HIVEP3: variants seen among roughly 807,000 people sequenced by gnomAD.
HIVEP3 encodes the protein transcription factor HIVEP3.
A neutral mutation model predicts 152.8 loss-of-function variants in HIVEP3; 49 were observed. That is an observed-to-expected ratio of 0.32 (90% confidence interval 0.26 to 0.41). The LOEUF (loss-of-function observed/expected upper bound fraction) is 0.41, where lower values mean the gene tolerates loss of function less well. HIVEP3 is among the 10% of genes least tolerant of loss of function. The pLI, the probability that HIVEP3 is intolerant of heterozygous loss-of-function variation, is 1.00. For synonymous variants in HIVEP3, 1,269 were observed against 1,289.0 expected, an observed-to-expected ratio of 0.98 and a Z score of 0.33; for missense variants, 2,790 against 3,103.3, an observed-to-expected ratio of 0.90 and a Z score of 2.40.
chr1:41,819,514 C>T (rs1642523612), intron 1 of HIVEP3, among the ~76,000 whole-genome samples: 1 of 152,106 alleles, frequency 6.6e-6, no homozygotes, highest in Admixed American at 6.5e-5. Flanking sequence ...TAAATATTTA[C>T]AGCTATACAT....
At chr1:41,968,405 T>C (rs1645211290) in intron 1 of HIVEP3, among the ~76,000 whole-genome samples, 2 of 152,206 alleles carry the variant, frequency 1.3e-5, no homozygotes, top group Non-Finnish European at 2.9e-5. Context: ...TGGTTCAACT[T>C]GTGCAAATCA....
chr1:41,936,277 G>A (rs1052907923), intron 1 of HIVEP3, among the ~76,000 whole-genome samples: 23 of 152,140 alleles, frequency 1.5e-4, no homozygotes, highest in Admixed American at 1.2e-3. Context: ...ACTCATGTGC[G>A]AGTCAAGATG....
intron 2 of HIVEP3, among the ~76,000 whole-genome samples, chr1:41,666,249 T>C (rs1281459404): frequency 8.5e-5 from 13 of 152,192 alleles, no homozygotes; most frequent in Admixed American, 8.5e-4. Flanking sequence ...TTGCATTTTA[T>C]GGATATCACC....
intron 1 of HIVEP3, among the ~76,000 whole-genome samples, chr1:41,844,292 C>T (rs1024682830): frequency 1.3e-5 from 2 of 152,208 alleles, no homozygotes; most frequent in African/African-American, 4.8e-5. Flanking sequence ...ACGCAATGAA[C>T]AGTGCTGCTG....
At chr1:41,772,980 T>C (rs1648474347) in intron 1 of HIVEP3, among the ~76,000 whole-genome samples, 1 of 152,126 alleles carries the variant, frequency 6.6e-6, no homozygotes, top group Non-Finnish European at 1.5e-5. Context: ...CTGAACACTG[T>C]ATGTGCACTG....
intron 1 of HIVEP3, among the ~76,000 whole-genome samples, chr1:41,841,991 G>A (rs955184231): frequency 6.6e-6 from 1 of 152,062 alleles, no homozygotes; most frequent in Non-Finnish European, 1.5e-5. Flanking sequence ...TACTCAGGAG[G>A]CTGAGGCAGG....
At chr1:41,910,458 C>CT (rs1307703529) in intron 1 of HIVEP3, among the ~76,000 whole-genome samples, 2 of 151,860 alleles carry the variant, frequency 1.3e-5, no homozygotes, top group Admixed American at 6.6e-5. Flanking sequence ...CTCACAGAAT[C>CT]TTTTTTTGAG....
At chr1:41,882,941 G>A (rs1644286654) in intron 1 of HIVEP3, among the ~76,000 whole-genome samples, 5 of 152,238 alleles carry the variant, frequency 3.3e-5, no homozygotes, top group East Asian at 1.9e-4. Context: ...ATGAGACAGG[G>A]CTGAACTGGC....
At chr1:41,759,557 T>A (rs1430362655) in intron 1 of HIVEP3, among the ~76,000 whole-genome samples, 3 of 152,198 alleles carry the variant, frequency 2.0e-5, no homozygotes, top group African/African-American at 7.2e-5. Flanking sequence ...GGTATAGACC[T>A]AGGAGTGGAA....
At chr1:41,845,419 GCACACACACACACACA>G (rs3032007) in intron 1 of HIVEP3, among the ~76,000 whole-genome samples, 1 of 136,074 alleles carries the variant, frequency 7.3e-6, no homozygotes, top group Non-Finnish European at 1.6e-5. Flanking sequence ...ACACACACAC[GCACACACACACACACA>G]CACACACACA....
intron 3 of HIVEP3, among the ~76,000 whole-genome samples, chr1:41,585,776 T>C (rs1005817926): frequency 1.3e-5 from 2 of 152,040 alleles, no homozygotes; most frequent in Non-Finnish European, 1.5e-5. Flanking sequence ...CCCAATGACA[T>C]TGGAGATGCA....
intron 1 of HIVEP3, among the ~76,000 whole-genome samples, chr1:41,709,081 C>A (rs1285925368): frequency 6.6e-6 from 1 of 152,204 alleles, no homozygotes; most frequent in Non-Finnish European, 1.5e-5. Flanking sequence ...CCCCTACCAC[C>A]ACATGGCATA....
At chr1:41,776,059 T>C (rs545482076) in intron 1 of HIVEP3, among the ~76,000 whole-genome samples, 1 of 152,322 alleles carries the variant, frequency 6.6e-6, no homozygotes, top group Admixed American at 6.5e-5. Context: ...GATTTGGGTT[T>C]CCTGCAGCTG....
chr1:41,985,449 T>C (rs1468344270), intron 1 of HIVEP3, among the ~76,000 whole-genome samples: 1 of 152,222 alleles, frequency 6.6e-6, no homozygotes, highest in Non-Finnish European at 1.5e-5. Context: ...GCATACCTCC[T>C]GGTTTGCAGA....
At position 41,959,559 on chromosome 1, in the gene HIVEP3, T is replaced by C. The variant is rs115188743; in HGVS notation, n.120-41035A>G. 7.4e-3 allele frequency among the ~76,000 whole-genome samples: 1,124 copies of C among 152,278 alleles called. 6 individuals carry two copies. The highest frequency in any genetic ancestry group is 0.013 in the Non-Finnish European group (879 of 68,014). ...TTGGAACAACCTCTTAAAAGCATAGTTAAGGGGCAAGCTTGGACATAACAC... is the reference window on the plus strand; with the variant it reads ...TTGGAACAACCTCTTAAAAGCATAGCTAAGGGGCAAGCTTGGACATAACAC... On this transcript the variant is annotated intron_variant and non_coding_transcript_variant, in intron 1 of 3. Coordinates refer to the HIVEP3 transcript ENST00000489103.
intron 5 of HIVEP3, among the ~76,000 whole-genome samples, chr1:41,539,594 TAGACCCTGA>T (rs1417217276): frequency 6.6e-6 from 1 of 152,120 alleles, no homozygotes; most frequent in Admixed American, 6.5e-5. Context: ...AGTCACTAAC[TAGACCCTGA>T]AGAGGCGGGA....
chr1:41,756,564 A>AG (rs1192591979), intron 1 of HIVEP3, among the ~76,000 whole-genome samples: 5 of 152,242 alleles, frequency 3.3e-5, no homozygotes, highest in Admixed American at 3.3e-4. Context: ...TGTTTATAAC[A>AG]GTGGGAACTT....
At chr1:41,983,224 G>A (rs1645303732) in intron 1 of HIVEP3, among the ~76,000 whole-genome samples, 1 of 152,156 alleles carries the variant, frequency 6.6e-6, no homozygotes, top group African/African-American at 2.4e-5. Flanking sequence ...AGGAAGAAAA[G>A]GAGAATCATT....
intron 1 of HIVEP3, among the ~76,000 whole-genome samples, chr1:41,820,651 C>T (rs1440322257): frequency 1.3e-5 from 2 of 152,286 alleles, no homozygotes; most frequent in African/African-American, 4.8e-5. Context: ...TTTATATTTA[C>T]CTGTCCCTTG....
Sources: gnomAD v4.1 joint callset for allele counts (sites outside exome capture counted in the v4.1 genomes callset) on GRCh38, gnomAD v4.1.1 for gene constraint, MANE v1.5 for transcripts, NCBI Gene and HGNC (gene_info 2026-07-23, HGNC 2026-07-21) for gene names.